Variants in ITPK1 observed in about 807,000 individuals in gnomAD.
ITPK1 encodes inositol 1,3,4-trisphosphate 5/6-kinase.
ITPK1 carries 21 observed loss-of-function variants against 45.3 expected under a neutral mutation model. That is an observed-to-expected ratio of 0.46 (90% CI 0.33 to 0.67). ITPK1 has a LOEUF of 0.67. ITPK1 is among the 30% of genes least tolerant of loss of function. The pLI, the probability that ITPK1 is intolerant of heterozygous loss-of-function variation, is 0.02. For synonymous variants in ITPK1, 258 were observed against 253.6 expected (o/e 1.02, Z -0.16); for missense variants, 474 against 573.5 (o/e 0.83, Z 1.77).
chr14:92,973,131 C>T (rs1885742356), intron 5 of ITPK1, among the ~76,000 whole-genome samples: 1 of 152,214 alleles, frequency 6.6e-6, no homozygotes, highest in Admixed American at 6.5e-5. Context: ...CTTTCTAGTA[C>T]TTTTTCTGGC....
intron 3 of ITPK1, among the ~76,000 whole-genome samples, chr14:93,045,064 T>C (rs1407137852): frequency 6.6e-6 from 1 of 152,222 alleles, no homozygotes; most frequent in African/African-American, 2.4e-5. Flanking sequence ...TGCAGCCCAG[T>C]GCCATGCTGC....
At chr14:93,024,567 G>A (rs1475795312) in intron 3 of ITPK1, among the ~76,000 whole-genome samples, 1 of 152,196 alleles carries the variant, frequency 6.6e-6, no homozygotes, top group Admixed American at 6.5e-5. Flanking sequence ...GGCCTCAGCG[G>A]AGGCCTTTCT....
At chr14:93,009,130 A>G (rs1595133248) in intron 4 of ITPK1, among the ~76,000 whole-genome samples, 1 of 152,304 alleles carries the variant, frequency 6.6e-6, no homozygotes, top group Admixed American at 6.5e-5. Flanking sequence ...CGGGAAGGCA[A>G]CTAAGCACCC....
At chr14:92,955,497 C>G (rs1884658616) in intron 8 of ITPK1, among the ~76,000 whole-genome samples, 1 of 152,172 alleles carries the variant, frequency 6.6e-6, no homozygotes, top group Non-Finnish European at 1.5e-5. Flanking sequence ...TAATCTCTAC[C>G]CTGGCACAGG....
At position 92,941,582 on chromosome 14, in the gene ITPK1, G is replaced by A; in HGVS notation, c.1224C>T (p.Ala408=). ...SFQQHCVASL[A]TKASSQ Reference sequence around the variant, plus strand: ...GTGGCTACTGGGAGGAGGCCTTGGTGGCCAGGGAGGCCACACAATGCTGCT... The same window carrying A: ...GTGGCTACTGGGAGGAGGCCTTGGTAGCCAGGGAGGCCACACAATGCTGCT... The change falls in exon 11 of 11, where the codon GCC becomes GCT. Residue 408 remains alanine (A), a synonymous_variant. Transcript: ENST00000267615. The A allele has an allele frequency of 2.0e-6, 3 of 1,536,224 alleles. No homozygotes were observed. The highest frequency in any genetic ancestry group is 1.7e-6 in the Non-Finnish European group (2 of 1,144,134).
At chr14:93,060,889 A>G (rs565002288) in intron 3 of ITPK1, among the ~76,000 whole-genome samples, 35 of 152,348 alleles carry the variant, frequency 2.3e-4, no homozygotes, top group Non-Finnish European at 4.4e-4. Flanking sequence ...TCACAGAGCT[A>G]TTATGAGAAC....
intron 7 of ITPK1, 76 bp downstream of exon 7, chr14:92,962,279 C>G: frequency 1.8e-6 from 2 of 1,092,886 alleles, no homozygotes; most frequent in Admixed American, 3.4e-5. Flanking sequence ...GTGAGGAATC[C>G]GGCAGGGTAG....
chr14:93,048,113 TAACATGGTG>T (rs1889858749), intron 3 of ITPK1, among the ~76,000 whole-genome samples: 1 of 152,206 alleles, frequency 6.6e-6, no homozygotes, highest in Non-Finnish European at 1.5e-5. Flanking sequence ...CATTTTCTCA[TAACATGGTG>T]AACATGGTAT....
At chr14:93,108,665 A>C (rs1403468795) in intron 2 of ITPK1, among the ~76,000 whole-genome samples, 1 of 152,240 alleles carries the variant, frequency 6.6e-6, no homozygotes, top group Non-Finnish European at 1.5e-5. Context: ...AGGCTCTCCC[A>C]TTCACTGTCA....
At chr14:92,987,359 C>T (rs1201128796) in intron 5 of ITPK1, among the ~76,000 whole-genome samples, 1 of 152,162 alleles carries the variant, frequency 6.6e-6, no homozygotes, top group Non-Finnish European at 1.5e-5. Flanking sequence ...GAGGCCCTGT[C>T]CTGCCCTGAA....
At position 92,962,792 on chromosome 14, in the gene ITPK1, G is replaced by A; in HGVS notation, c.422C>T (p.Thr141Ile). The change falls in exon 6 of 11, where the codon ACC (threonine) becomes ATC (isoleucine). Residue 141 changes from threonine (T) to isoleucine (I), a missense_variant. This residue lies in a region of ITPK1 where 367 missense variants were observed against 480.6 expected (regional missense o/e 0.76). Transcript: ENST00000267615. ...GCCGTTCTTCTCCAGCAGCCGCATG[G>A]TGTCATCCCCGCACAGGCTCGTGAG... ...MELTSLCGDD[T>I]MRLLEKNGLT... 1 of 1,614,036 alleles carries A rather than the reference G, an allele frequency of 6.2e-7. No individual in the cohort carries two copies. The highest frequency in any genetic ancestry group is 8.5e-7 in the Non-Finnish European group (1 of 1,179,930).
intron 3 of ITPK1, among the ~76,000 whole-genome samples, chr14:93,048,395 T>C (rs925844979): frequency 6.6e-6 from 1 of 152,190 alleles, no homozygotes; most frequent in Non-Finnish European, 1.5e-5. Flanking sequence ...AAGTGGTGAC[T>C]AAAAATGGCT....
At chr14:93,044,483 C>T (rs1030845648) in intron 3 of ITPK1, among the ~76,000 whole-genome samples, 3 of 152,226 alleles carry the variant, frequency 2.0e-5, no homozygotes, top group Non-Finnish European at 4.4e-5. Context: ...CTCTGCTTGG[C>T]TGTGAAGCTG....
intron 3 of ITPK1, among the ~76,000 whole-genome samples, chr14:93,038,508 G>A (rs1286462347): frequency 6.6e-6 from 1 of 152,080 alleles, no homozygotes; most frequent in African/African-American, 2.4e-5. Context: ...AAAGAAAAGT[G>A]GGATATATGT....
intron 2 of ITPK1, among the ~76,000 whole-genome samples, chr14:93,085,355 TC>T (rs909302977): frequency 4.0e-5 from 6 of 151,710 alleles, no homozygotes; most frequent in Non-Finnish European, 7.4e-5. Flanking sequence ...CTGAAGACCC[TC>T]CCCCCGACCG....
In ITPK1 at chr14:93,032,226, T is replaced by A. The variant is rs1889097831; in HGVS notation, c.121-15425A>T. ...TTAGCTGGGCATGGTGGTGCATGCC[T>A]GCAATCCCAGCTACTCGGAAGGCTG... On this transcript the variant is annotated intron_variant, in intron 3 of 10. Transcript: ENST00000267615. This position sits in a 1 kb window ranked among gnomAD's most constrained non-coding sequence, Gnocchi z 4.0. Among the ~76,000 whole-genome samples the A allele has an allele frequency of 6.6e-6, 1 of 152,126 alleles. No individual in the cohort carries two copies. Among genetic ancestry groups the A allele is most frequent in the Non-Finnish European group, 1.5e-5 (1 of 68,020 alleles).
intron 2 of ITPK1, among the ~76,000 whole-genome samples, chr14:93,107,213 C>G (rs1892562093): frequency 6.6e-6 from 1 of 152,200 alleles, no homozygotes; most frequent in Non-Finnish European, 1.5e-5. Flanking sequence ...CCGCCTCAGC[C>G]TCCCAAAGTG....
intron 5 of ITPK1, among the ~76,000 whole-genome samples, chr14:92,966,661 T>A (rs949877502): frequency 1.3e-5 from 2 of 152,124 alleles, no homozygotes; most frequent in Non-Finnish European, 2.9e-5. Context: ...AAAAACAAAG[T>A]TGGAGGACTC....
chr14:93,111,710 C>CAAA (rs34085009), intron 2 of ITPK1, among the ~76,000 whole-genome samples: 1 of 76,738 alleles, frequency 1.3e-5, no homozygotes, highest in Non-Finnish European at 2.6e-5. Context: ...GACTCCACCT[C>CAAA]AAAAAAAAAA....
Sources: allele counts gnomAD v4.1 joint callset (sites outside exome capture counted in the v4.1 genomes callset), GRCh38; gene constraint gnomAD v4.1.1; regional missense constraint gnomAD v4.1.1; non-coding constraint Gnocchi (gnomAD v3.1); transcripts MANE v1.5; gene names NCBI Gene and HGNC (gene_info 2026-07-23, HGNC 2026-07-21).